SLC9C1: variants seen among roughly 807,000 people sequenced by gnomAD.
SLC9C1 encodes the protein sodium/hydrogen exchanger 10.
Under a neutral mutation model 140.9 loss-of-function variants are expected in SLC9C1, and 97 were observed. The ratio of observed to expected loss-of-function variants is 0.69; its 90% confidence interval spans 0.58 to 0.82. SLC9C1 has a LOEUF of 0.82. Among genes scored for constraint, SLC9C1 ranks in the 40% least tolerant of loss-of-function variants. The pLI, the probability that SLC9C1 is intolerant of heterozygous loss-of-function variation, is 0.00. For missense variants in SLC9C1, 1,340 were observed against 1,389.3 expected (o/e 0.96, Z 0.56); for synonymous variants, 440 against 442.6 (o/e 0.99, Z 0.07).
At chr3:112,230,091 G>A (rs1428919596) in intron 13 of SLC9C1, among the ~76,000 whole-genome samples, 1 of 152,108 alleles carries the variant, frequency 6.6e-6, no homozygotes, top group African/African-American at 2.4e-5. Context: ...GGCTGTTCAG[G>A]TTCACCTATG....
intron 10 of SLC9C1, among the ~76,000 whole-genome samples, chr3:112,255,040 C>T (rs960232139): frequency 2.0e-5 from 3 of 152,084 alleles, no homozygotes; most frequent in Admixed American, 2.0e-4. Flanking sequence ...CCTAACTATA[C>T]TAAATATTAA....
chr3:112,293,366 T>C (rs1158084941), intron 1 of SLC9C1, among the ~76,000 whole-genome samples: 1 of 152,148 alleles, frequency 6.6e-6, no homozygotes, highest in East Asian at 1.9e-4. Flanking sequence ...CTCTCAAAAA[T>C]GACATGAATT....
At chr3:112,239,766 T>C in intron 12 of SLC9C1, 74 bp downstream of exon 12, 9 of 1,305,066 alleles carry the variant, frequency 6.9e-6, no homozygotes, top group Non-Finnish European at 9.3e-6. Context: ...TGTGAATTAA[T>C]ATTTATGATC....
At chr3:112,281,485 G>A (rs1246611993) in intron 2 of SLC9C1, among the ~76,000 whole-genome samples, 1 of 152,126 alleles carries the variant, frequency 6.6e-6, no homozygotes, top group African/African-American at 2.4e-5. Context: ...AGTCAAATAG[G>A]ATACACCGAT....
chr3:112,199,408 A>T lies in SLC9C1; in HGVS notation c.2436T>A (p.Asn812Lys). The change falls in exon 20 of 29, where the codon AAT (asparagine) becomes AAA (lysine). Residue 812 changes from asparagine to lysine, a missense_variant. Coordinates refer to ENST00000305815, the MANE Select transcript of SLC9C1 (RefSeq NM_183061.3). ...AVTVKTKEEI[N>K]VMLNMATEIL... ...TTTCTGTAGCCATATTGAGCATAAC[A>T]TTAATTTCTTCCTTTGTTTTCACAG... is the stretch of plus-strand genomic sequence containing the variant. 1 of 1,601,482 alleles carries T rather than the reference A, an allele frequency of 6.2e-7. No individual in the cohort carries two copies. Among genetic ancestry groups the T allele is most frequent in the Non-Finnish European group, 8.5e-7 (1 of 1,174,406 alleles).
chr3:112,216,840 C>T (rs1447881466), intron 15 of SLC9C1, among the ~76,000 whole-genome samples: 6 of 152,094 alleles, frequency 3.9e-5, no homozygotes, highest in Admixed American at 3.9e-4. Context: ...TTTGACCCAG[C>T]CATCCCATTA....
chr3:112,179,009 A>C (rs1163613720), intron 23 of SLC9C1, among the ~76,000 whole-genome samples: 2 of 152,218 alleles, frequency 1.3e-5, no homozygotes, highest in African/African-American at 4.8e-5. Flanking sequence ...TAGAAATTTT[A>C]AAAATTAGCA....
intron 20 of SLC9C1, chr3:112,185,575 G>A: frequency 6.2e-7 from 1 of 1,610,892 alleles, no homozygotes. Flanking sequence ...GTGGGCACCT[G>A]TGCCCGGGGT....
At chr3:112,161,627 T>C (rs1429695244) in intron 26 of SLC9C1, among the ~76,000 whole-genome samples, 2 of 152,024 alleles carry the variant, frequency 1.3e-5, no homozygotes, top group Admixed American at 6.6e-5. Context: ...TCCATTGATC[T>C]ATATCTCTGT....
chr3:112,200,804 C>T, intron 18 of SLC9C1, 42 bp from the exon 19 acceptor site: 1 of 1,544,190 alleles, frequency 6.5e-7, no homozygotes, highest in African/African-American at 1.4e-5. Flanking sequence ...GAAAAACAGA[C>T]TGTTATAAAA....
chr3:112,284,728 G>A (rs1457423928), intron 2 of SLC9C1, among the ~76,000 whole-genome samples: 1 of 152,162 alleles, frequency 6.6e-6, no homozygotes, highest in Non-Finnish European at 1.5e-5. Flanking sequence ...AAATGCAAAG[G>A]ATAAACTTTT....
chr3:112,226,317 G>T (rs1219695374), intron 13 of SLC9C1, among the ~76,000 whole-genome samples: 1 of 152,092 alleles, frequency 6.6e-6, no homozygotes, highest in African/African-American at 2.4e-5. Context: ...AATTAAGAAG[G>T]TAATTCTTTA....
intron 26 of SLC9C1, among the ~76,000 whole-genome samples, chr3:112,156,179 T>G (rs13061801): frequency 6.6e-6 from 1 of 151,936 alleles, no homozygotes; most frequent in Non-Finnish European, 1.5e-5. Flanking sequence ...CAGTCTTTGA[T>G]AACTATCATG....
At chr3:112,153,010 G>A (rs2075028333) in intron 27 of SLC9C1, among the ~76,000 whole-genome samples, 1 of 152,032 alleles carries the variant, frequency 6.6e-6, no homozygotes, top group African/African-American at 2.4e-5. Context: ...ACCTTTGGTG[G>A]ACTTTTTATT....
chr3:112,238,320 G>T (rs957652358), intron 12 of SLC9C1, among the ~76,000 whole-genome samples: 1 of 152,170 alleles, frequency 6.6e-6, no homozygotes, highest in Admixed American at 6.5e-5. Context: ...GGTCCTTTAA[G>T]GACTTCTCTG....
intron 20 of SLC9C1, among the ~76,000 whole-genome samples, chr3:112,190,351 TATG>T (rs1025904472): frequency 4.7e-4 from 71 of 152,346 alleles, no homozygotes; most frequent in African/African-American, 1.6e-3. Context: ...GCCCCTTCAG[TATG>T]ATAACTGGCT....
intron 23 of SLC9C1, among the ~76,000 whole-genome samples, chr3:112,172,381 AAC>A (rs1425206656): frequency 2.0e-5 from 3 of 152,120 alleles, no homozygotes; most frequent in African/African-American, 7.2e-5. Flanking sequence ...AGTATATGAA[AAC>A]ACAATTAATT....
chr3:112,185,998 G>A (rs1257100651), intron 20 of SLC9C1: 4 of 1,538,076 alleles, frequency 2.6e-6, no homozygotes, highest in Non-Finnish European at 3.5e-6. Context: ...CAGGCCCCGC[G>A]GTATTTAGCA....
intron 15 of SLC9C1, among the ~76,000 whole-genome samples, chr3:112,213,035 C>T (rs1222232395): frequency 6.6e-6 from 1 of 152,128 alleles, no homozygotes; most frequent in South Asian, 2.1e-4. Flanking sequence ...AGGCAGAAGA[C>T]AATGGGGGCC....
Sources: gnomAD v4.1 joint callset for allele counts (sites outside exome capture counted in the v4.1 genomes callset) on GRCh38, gnomAD v4.1.1 for gene constraint, MANE v1.5 for transcripts, NCBI Gene and HGNC (gene_info 2026-07-23, HGNC 2026-07-21) for gene names.